TLL1: variants seen among roughly 807,000 people sequenced by gnomAD.
The protein encoded by TLL1 is tolloid like 1.
A neutral mutation model predicts 128.2 loss-of-function variants in TLL1; 49 were observed. That is an observed-to-expected ratio of 0.38 (90% confidence interval 0.30 to 0.48). The LOEUF (loss-of-function observed/expected upper bound fraction) is 0.48, where lower values mean the gene tolerates loss of function less well. Ranked by LOEUF, TLL1 falls within the 20% of genes least tolerant of loss-of-function variation. The probability of loss-of-function intolerance (pLI) is 0.96; values close to 1 mark genes in which losing one functional copy is unlikely to be tolerated. For synonymous variants in TLL1, 454 were observed against 418.8 expected, an observed-to-expected ratio of 1.08 and a Z score of -1.03; for missense variants, 1,123 against 1,242.0, an observed-to-expected ratio of 0.90 and a Z score of 1.44.
intron 1 of TLL1, among the ~76,000 whole-genome samples, chr4:165,954,322 G>T (rs1734673526): frequency 1.3e-5 from 2 of 151,980 alleles, no homozygotes; most frequent in African/African-American, 4.8e-5. Context: ...ACACTTAGAA[G>T]GAATAAGTAG....
chr4:165,986,343 C>T (rs188069192), intron 1 of TLL1, among the ~76,000 whole-genome samples: 5 of 151,826 alleles, frequency 3.3e-5, no homozygotes, highest in East Asian at 1.9e-4. Context: ...AAATAGAAGG[C>T]GAATTACGGA....
At chr4:166,046,282 G>T (rs1247540399) in intron 12 of TLL1, among the ~76,000 whole-genome samples, 1 of 152,126 alleles carries the variant, frequency 6.6e-6, no homozygotes. Context: ...AAACAAGCCT[G>T]GATACATAAG....
At chr4:165,976,034 C>CAAAAAAAAAAAAA (rs1169297533) in intron 1 of TLL1, among the ~76,000 whole-genome samples, 3 of 72,086 alleles carry the variant, frequency 4.2e-5, no homozygotes, top group African/African-American at 4.8e-5. Context: ...GATTCCATCT[C>CAAAAAAAAAAAAA]AAAAAAAAAA....
At chr4:165,959,494 T>C (rs116690247) in intron 1 of TLL1, among the ~76,000 whole-genome samples, 1,797 of 152,188 alleles carry the variant, frequency 0.012, 35 homozygotes, top group African/African-American at 0.041. Flanking sequence ...CAGTTGCATC[T>C]AATAGACATC....
At chr4:165,936,752 A>G (rs1488501784) in intron 1 of TLL1, among the ~76,000 whole-genome samples, 1 of 151,930 alleles carries the variant, frequency 6.6e-6, no homozygotes. Context: ...ACATGGTGAA[A>G]CCTTGTCTCT....
intron 10 of TLL1, among the ~76,000 whole-genome samples, chr4:166,041,551 G>A (rs539074798): frequency 6.6e-6 from 1 of 151,858 alleles, no homozygotes; most frequent in East Asian, 1.9e-4. Flanking sequence ...CACCCACCTC[G>A]GCCTCCCAAA....
chr4:165,955,969 C>T (rs954030859), intron 1 of TLL1, among the ~76,000 whole-genome samples: 3 of 152,044 alleles, frequency 2.0e-5, no homozygotes, highest in Non-Finnish European at 2.9e-5. Flanking sequence ...TCAGTAGGAC[C>T]GTGATGCCCA....
intron 1 of TLL1, among the ~76,000 whole-genome samples, chr4:165,903,733 TCACACACACA>T (rs5863787): frequency 6.9e-6 from 1 of 144,802 alleles, no homozygotes; most frequent in African/African-American, 2.6e-5. Context: ...TAAGTTCTTA[TCACACACACA>T]CACACACACA....
At chr4:165,938,035 G>A (rs1398512582) in intron 1 of TLL1, among the ~76,000 whole-genome samples, 1 of 151,590 alleles carries the variant, frequency 6.6e-6, no homozygotes, top group Admixed American at 6.6e-5. Flanking sequence ...CCTAGATTAT[G>A]TATTAACGTT....
intron 1 of TLL1, among the ~76,000 whole-genome samples, chr4:165,896,739 T>A (rs1731700763): frequency 6.6e-6 from 1 of 152,116 alleles, no homozygotes; most frequent in South Asian, 2.1e-4. Context: ...CGCCTTGGCA[T>A]CCCCAAGTGC....
chr4:165,902,184 T>C (rs900790236), intron 1 of TLL1, among the ~76,000 whole-genome samples: 7 of 152,116 alleles, frequency 4.6e-5, no homozygotes, highest in African/African-American at 1.4e-4. Flanking sequence ...CTGTGCTCCA[T>C]GTGGGTGTGA....
chr4:166,054,888 C>T (rs1484166793), intron 12 of TLL1, among the ~76,000 whole-genome samples, 188 bp from the exon 13 acceptor site: 1 of 151,912 alleles, frequency 6.6e-6, no homozygotes, highest in Non-Finnish European at 1.5e-5. Context: ...TCCCTGTCTA[C>T]CAGAATAACA....
chr4:165,997,945 A>T (rs1400611936), intron 5 of TLL1, among the ~76,000 whole-genome samples: 1 of 152,172 alleles, frequency 6.6e-6, no homozygotes, highest in African/African-American at 2.4e-5. Context: ...CTGAGCTATA[A>T]GTATTTTATT....
At chr4:166,030,592 A>G in intron 9 of TLL1, 1 of 564,858 alleles carries the variant, frequency 1.8e-6, no homozygotes, top group East Asian at 3.2e-5. Flanking sequence ...ATGTAATGAC[A>G]TGAAGTTTTT....
chr4:165,985,490 G>A (rs1446719515), intron 1 of TLL1, among the ~76,000 whole-genome samples: 1 of 151,926 alleles, frequency 6.6e-6, no homozygotes, highest in Non-Finnish European at 1.5e-5. Context: ...ACAATCTACT[G>A]TGGACTTGTC....
At chr4:166,004,610 T>A (rs565180804) in intron 6 of TLL1, among the ~76,000 whole-genome samples, 1 of 152,186 alleles carries the variant, frequency 6.6e-6, no homozygotes, top group Admixed American at 6.6e-5. Flanking sequence ...TGTAAAGGAA[T>A]GGAAATTTAG....
At chr4:166,077,775 C>G in intron 17 of TLL1, 128 bp from the exon 18 acceptor site, 3 of 1,240,274 alleles carry the variant, frequency 2.4e-6, no homozygotes, top group South Asian at 2.5e-5. Context: ...ATAACCGACA[C>G]GGGAGTGAAA....
chr4:166,050,449 G>A (rs988969692), intron 12 of TLL1, among the ~76,000 whole-genome samples: 6 of 152,086 alleles, frequency 3.9e-5, no homozygotes, highest in Non-Finnish European at 8.8e-5. Context: ...ATTCTTTGGG[G>A]TATTTACCCA....
chr4:166,065,671 A>AT lies in TLL1; in HGVS notation c.2008-5dup, dbSNP rs541847224. 3.1e-6 allele frequency: 5 copies of AT among 1,612,378 alleles called. No homozygotes were observed. The highest frequency in any genetic ancestry group is 4.2e-6 in the Non-Finnish European group (5 of 1,179,060). On this transcript the variant is annotated splice_polypyrimidine_tract_variant and intron_variant, in intron 15 of 20. Transcript: ENST00000061240. ...CACAAATCTGGCAACTGATAACCACATTTTTTTCTAGGTTTGCAAATATGA... is the reference window on the plus strand; with the variant it reads ...CACAAATCTGGCAACTGATAACCACATTTTTTTTCTAGGTTTGCAAATATGA...
Sources: allele counts gnomAD v4.1 joint callset (sites outside exome capture counted in the v4.1 genomes callset), GRCh38; gene constraint gnomAD v4.1.1; transcripts MANE v1.5; gene names NCBI Gene and HGNC (gene_info 2026-07-23, HGNC 2026-07-21).